Variants in PID1 observed in about 807,000 individuals in gnomAD.
PID1 encodes the protein PTB-containing, cubilin and LRP1-interacting protein.
In PID1, 10 loss-of-function variants were observed where a neutral mutation model predicts 19.1. That is an observed-to-expected ratio of 0.52 (90% CI 0.32 to 0.89). The LOEUF (loss-of-function observed/expected upper bound fraction) is 0.89. Among genes scored for constraint, PID1 ranks in the 40% least tolerant of loss-of-function variants. The pLI, the probability that PID1 is intolerant of heterozygous loss-of-function variation, is 0.03. For missense variants in PID1, 248 were observed against 285.3 expected (o/e 0.87, Z 0.94); for synonymous variants, 130 against 116.0 (o/e 1.12, Z -0.78).
At chr2:229,232,796 T>C (rs1048329543) in intron 1 of PID1, among the ~76,000 whole-genome samples, 1 of 7,444 alleles carries the variant, frequency 1.3e-4, no homozygotes, top group African/African-American at 2.6e-4. Context: ...TAAATATATA[T>C]ATATATATAT....
chr2:229,116,487 C>T (rs919612675), intron 2 of PID1, among the ~76,000 whole-genome samples: 1 of 152,058 alleles, frequency 6.6e-6, no homozygotes, highest in African/African-American at 2.4e-5. Flanking sequence ...CCCATAATTC[C>T]CATGTGTCAT....
At chr2:229,203,243 A>G (rs965943784) in intron 1 of PID1, among the ~76,000 whole-genome samples, 23 of 152,128 alleles carry the variant, frequency 1.5e-4, no homozygotes, top group Non-Finnish European at 2.5e-4. Context: ...TAATAGGATC[A>G]GTGTTCAGCT....
At chr2:229,091,988 T>C (rs575151305) in intron 2 of PID1, among the ~76,000 whole-genome samples, 3 of 152,302 alleles carry the variant, frequency 2.0e-5, no homozygotes, top group African/African-American at 7.2e-5. Flanking sequence ...CATCACACAT[T>C]CAGCTAAATG....
chr2:229,199,747 C>CACAT (rs1379383507), intron 1 of PID1, among the ~76,000 whole-genome samples: 1 of 106,464 alleles, frequency 9.4e-6, no homozygotes, highest in Non-Finnish European at 2.2e-5. Context: ...TATATATATA[C>CACAT]ACATACACAC....
chr2:229,129,477 G>C (rs892430372), intron 2 of PID1, among the ~76,000 whole-genome samples: 12 of 150,842 alleles, frequency 8.0e-5, no homozygotes, highest in Non-Finnish European at 1.3e-4. Flanking sequence ...AGCAATCACA[G>C]CTACTTTTAC....
At chr2:229,129,093 C>T (rs1689655818) in intron 2 of PID1, among the ~76,000 whole-genome samples, 1 of 152,052 alleles carries the variant, frequency 6.6e-6, no homozygotes, top group African/African-American at 2.4e-5. Flanking sequence ...GAGACTGAAC[C>T]ATTTGCCCTG....
At chr2:229,093,751 G>A (rs1219584340) in intron 2 of PID1, among the ~76,000 whole-genome samples, 2 of 102,412 alleles carry the variant, frequency 2.0e-5, no homozygotes, top group Non-Finnish European at 4.6e-5. Flanking sequence ...ATCTAGCATG[G>A]CTTTATGATA....
chr2:229,053,837 CCAAT>C (rs1694042878), intron 2 of PID1, among the ~76,000 whole-genome samples: 1 of 152,140 alleles, frequency 6.6e-6, no homozygotes, highest in South Asian at 2.1e-4. Flanking sequence ...CAGGGAGAGC[CCAAT>C]CAGTCAAGAC....
intron 1 of PID1, among the ~76,000 whole-genome samples, chr2:229,162,869 C>A (rs1419954): frequency 3.9e-5 from 6 of 151,940 alleles, no homozygotes; most frequent in African/African-American, 1.5e-4. Flanking sequence ...AGATATCTTG[C>A]TTATTCTTTT....
intron 1 of PID1, among the ~76,000 whole-genome samples, chr2:229,243,419 T>G (rs780888019): frequency 6.6e-6 from 1 of 152,142 alleles, no homozygotes; most frequent in Non-Finnish European, 1.5e-5. Context: ...GCAAGGTTTA[T>G]AATTCCCCAC....
rs565365590 is a variant in PID1 at position 229,131,821 on chromosome 2, G to A, written c.177+23997C>T. ...TTTGTGAAAAATGCAACAAGACTCC[G>A]TCTCGGTGGAAAGATGTGCTAAATA... is the stretch of plus-strand genomic sequence containing the variant. On this transcript the variant is annotated intron_variant, in intron 2 of 2. Coordinates refer to ENST00000392055, the MANE Select transcript of PID1 (RefSeq NM_001100818.2). Among the ~76,000 whole-genome samples the A allele has an allele frequency of 7.2e-5, 11 of 152,096 alleles. No homozygotes were observed. In the South Asian group the frequency reaches 2.1e-3, roughly 29 times the overall value.
intron 1 of PID1, among the ~76,000 whole-genome samples, chr2:229,260,654 T>A (rs977656375): frequency 6.6e-6 from 1 of 151,760 alleles, no homozygotes. Flanking sequence ...GTTTCCTTCA[T>A]GGGTAGAATT....
chr2:229,124,007 G>A (rs1695574781), intron 2 of PID1, among the ~76,000 whole-genome samples: 1 of 152,138 alleles, frequency 6.6e-6, no homozygotes, highest in African/African-American at 2.4e-5. Flanking sequence ...AGGGAAGGCT[G>A]TCTTGGCAGG....
chr2:229,185,511 A>T (rs1477402063), intron 1 of PID1, among the ~76,000 whole-genome samples: 1 of 152,186 alleles, frequency 6.6e-6, no homozygotes, highest in Non-Finnish European at 1.5e-5. Context: ...GCTTACAGTT[A>T]TACATGGCTG....
At chr2:229,056,228 C>G (rs1177924043) in intron 2 of PID1, among the ~76,000 whole-genome samples, 1 of 152,260 alleles carries the variant, frequency 6.6e-6, no homozygotes, top group Admixed American at 6.5e-5. Context: ...AAAGCCCCAA[C>G]CTCTGGAAGA....
Position 229,271,265 on chromosome 2 carries a change from T to TGGCGCAGCTGCGAGAGGAC in PID1, c.-241_-223dup, listed in dbSNP as rs1690732532. ...GGGCACGGCCGCGCGCCGGCTGTCC[T>TGGCGCAGCTGCGAGAGGAC]GGCGCAGCTGCGAGAGGACTGCGCA... On this transcript the variant is annotated 5_prime_UTR_variant, in exon 1 of 3. Coordinates refer to ENST00000392055, the MANE Select transcript of PID1 (RefSeq NM_001100818.2). The TGGCGCAGCTGCGAGAGGAC allele has an allele frequency of 2.6e-6, 1 of 391,282 alleles. No individual in the cohort carries two copies. The highest frequency in any genetic ancestry group is 4.6e-6 in the Non-Finnish European group (1 of 217,410). The allele number at this position is 391,282 out of a possible 1,614,324, so 24.2% of individuals were successfully genotyped here.
chr2:229,265,207 G>A (rs1311458380), intron 1 of PID1, among the ~76,000 whole-genome samples: 1 of 152,156 alleles, frequency 6.6e-6, no homozygotes, highest in Non-Finnish European at 1.5e-5. Context: ...CATTACTGGA[G>A]CCTCCCTTAT....
chr2:229,038,296 C>T (rs758257937), intron 2 of PID1, among the ~76,000 whole-genome samples: 7 of 152,186 alleles, frequency 4.6e-5, no homozygotes, highest in Non-Finnish European at 8.8e-5. Context: ...TGTCTTTCAT[C>T]AGATAAATGG....
chr2:229,220,030 T>A (rs1275648523), intron 1 of PID1, among the ~76,000 whole-genome samples: 1 of 151,894 alleles, frequency 6.6e-6, no homozygotes, highest in African/African-American at 2.4e-5. Context: ...GGACTCTTTT[T>A]TTTTTTTGAA....
Sources: gnomAD v4.1 joint callset for allele counts (sites outside exome capture counted in the v4.1 genomes callset) on GRCh38, gnomAD v4.1.1 for gene constraint, MANE v1.5 for transcripts, NCBI Gene and HGNC (gene_info 2026-07-23, HGNC 2026-07-21) for gene names.